CECR2: variants seen among roughly 807,000 people sequenced by gnomAD.
CECR2 encodes the protein chromatin remodeling regulator CECR2.
Under a neutral mutation model 154.5 loss-of-function variants are expected in CECR2, and 30 were observed. The ratio of observed to expected loss-of-function variants is 0.19; its 90% CI spans 0.15 to 0.26. The LOEUF (loss-of-function observed/expected upper bound fraction) is 0.26. Among genes scored for constraint, CECR2 ranks in the 10% least tolerant of loss-of-function variants. The pLI is 1.00. For missense variants in CECR2, 1,743 were observed against 1,829.3 expected (o/e 0.95, Z 0.86); for synonymous variants, 725 against 683.7 (o/e 1.06, Z -0.94).
Position 17,432,203 on chromosome 22 carries a change from T to C in CECR2, c.127-45385T>C, listed in dbSNP as rs148681789. ...GGATTTGCCCACTCTGGACATTTCCTGTAAGTGGAATCACACAGCCCTACT... is the reference window on the plus strand; with the variant it reads ...GGATTTGCCCACTCTGGACATTTCCCGTAAGTGGAATCACACAGCCCTACT... On this transcript the variant is annotated intron_variant, in intron 1 of 18. Coordinates refer to ENST00000262608, the MANE Select transcript of CECR2 (RefSeq NM_001290047.2). Among the ~76,000 whole-genome samples the C allele has an allele frequency of 1.1e-4, 16 of 152,316 alleles. No homozygotes were observed. The East Asian group carries it at 3.1e-3, about 29-fold the overall frequency.
At position 17,455,606 on chromosome 22, in the gene CECR2, C is replaced by A. The variant is rs147060889; in HGVS notation, c.127-21982C>A. On this transcript the variant is annotated intron_variant, in intron 1 of 18. Coordinates refer to ENST00000262608, the MANE Select transcript of CECR2 (RefSeq NM_001290047.2). ...CGCAACTTGGCAGCTTAAAACAGCACACTGTTTTTTGTTTTGTTTTGTTTG... is the reference window on the plus strand; with the variant it reads ...CGCAACTTGGCAGCTTAAAACAGCAAACTGTTTTTTGTTTTGTTTTGTTTG... Among the ~76,000 whole-genome samples, 300 of 152,244 alleles carry A rather than the reference C, an allele frequency of 2.0e-3. 2 individuals carry two copies. The highest frequency in any genetic ancestry group is 3.3e-3 in the Non-Finnish European group (222 of 68,016).
At chr22:17,512,042 A>T (rs1426799531) in intron 8 of CECR2, 146 bp downstream of exon 8, 1 of 637,976 alleles carries the variant, frequency 1.6e-6, no homozygotes, top group Non-Finnish European at 2.7e-6. Context: ...TGCTTAAGAT[A>T]CATTTCTAGA....
chr22:17,498,811 G>A (rs1601463165), intron 3 of CECR2, among the ~76,000 whole-genome samples: 1 of 152,206 alleles, frequency 6.6e-6, no homozygotes, highest in South Asian at 2.1e-4. Flanking sequence ...TCTGTAAACT[G>A]TTCATCAGGA....
chr22:17,469,265 C>T (rs181554845), intron 1 of CECR2, among the ~76,000 whole-genome samples: 1 of 152,044 alleles, frequency 6.6e-6, no homozygotes, highest in Admixed American at 6.5e-5. Flanking sequence ...CTGACCTCAC[C>T]TCCCTACACT....
At chr22:17,552,250 AC>A in intron 18 of CECR2, 108 bp downstream of exon 18, 1 of 993,624 alleles carries the variant, frequency 1.0e-6, no homozygotes, top group Non-Finnish European at 1.5e-6. Context: ...TCCTGTGGAT[AC>A]AGGAACTTTG....
upstream of CECR2, among the ~76,000 whole-genome samples, chr22:17,367,091 G>A (rs2063006055): frequency 6.6e-6 from 1 of 152,200 alleles, no homozygotes; most frequent in South Asian, 2.1e-4. Context: ...ACCAGGGGGC[G>A]CGTGCCGTTC....
chr22:17,550,284 A>T (rs1015416485), intron 17 of CECR2: 14 of 187,524 alleles, frequency 7.5e-5, no homozygotes, highest in African/African-American at 3.3e-4. Flanking sequence ...AGTAGCTGGG[A>T]TTACAGGTGC....
At chr22:17,470,483 C>T (rs1398794529) in intron 1 of CECR2, among the ~76,000 whole-genome samples, 1 of 151,904 alleles carries the variant, frequency 6.6e-6, no homozygotes, top group African/African-American at 2.4e-5. Context: ...GTAAGAGCAA[C>T]CAGACCTAGA....
chr22:17,428,797 T>TG (rs1323748686), intron 1 of CECR2, among the ~76,000 whole-genome samples: 572 of 142,302 alleles, frequency 4.0e-3, no homozygotes, highest in Non-Finnish European at 6.7e-3. Flanking sequence ...AATGTTTTTA[T>TG]TTGTGTGTGT....
At chr22:17,440,335 C>A (rs2054566258) in intron 1 of CECR2, among the ~76,000 whole-genome samples, 1 of 152,112 alleles carries the variant, frequency 6.6e-6, no homozygotes, top group Non-Finnish European at 1.5e-5. Context: ...TTCCTAGCTC[C>A]CACTCGATGT....
intron 1 of CECR2, among the ~76,000 whole-genome samples, chr22:17,436,911 AT>A (rs1212482294): frequency 6.6e-6 from 1 of 152,158 alleles, no homozygotes; most frequent in African/African-American, 2.4e-5. Context: ...GGGGAAAAGG[AT>A]TTTGTATTTC....
At chr22:17,360,267 T>C (rs544937434) in intron 1 of CECR2, among the ~76,000 whole-genome samples, 10 of 152,354 alleles carry the variant, frequency 6.6e-5, no homozygotes, top group African/African-American at 2.4e-4. Context: ...GGGATGCTGT[T>C]ACCGGAGGAT....
In CECR2 at chr22:17,542,603, C is replaced by A. The variant is rs2056545133; in HGVS notation, c.2460C>A (p.Pro820=). 2 of 1,613,910 alleles carry A rather than the reference C, an allele frequency of 1.2e-6. No homozygotes were observed. Among genetic ancestry groups the A allele is most frequent in the Non-Finnish European group, 1.7e-6 (2 of 1,179,900 alleles). ...DSRVMRPPVP[P]NQWTEQSGFL... ...GAGTCATGAGACCACCTGTCCCCCC[C>A]AACCAGTGGACTGAACAATCAGGCT... is the stretch of plus-strand genomic sequence containing the variant. Residue 820 remains proline (P), a synonymous_variant, in exon 16 of 19, where the codon CCC becomes CCA. Coordinates refer to ENST00000262608, the MANE Select transcript of CECR2 (RefSeq NM_001290047.2).
intron 2 of CECR2, among the ~76,000 whole-genome samples, chr22:17,482,163 G>A (rs968340315): frequency 1.2e-4 from 16 of 138,100 alleles, no homozygotes; most frequent in East Asian, 7.0e-4. Context: ...GGTGACTCAC[G>A]CCTGCAATCC....
At chr22:17,543,760 G>A (rs944793331) in intron 16 of CECR2, among the ~76,000 whole-genome samples, 5 of 152,108 alleles carry the variant, frequency 3.3e-5, no homozygotes, top group East Asian at 1.9e-4. Context: ...AGGTTTCACC[G>A]TGTTGGCCAG....
chr22:17,381,937 G>A (rs895654943), intron 1 of CECR2, among the ~76,000 whole-genome samples: 1 of 151,622 alleles, frequency 6.6e-6, no homozygotes, highest in African/African-American at 2.4e-5. Flanking sequence ...ACCCAGGCTG[G>A]AGTGCAGTGG....
intron 1 of CECR2, among the ~76,000 whole-genome samples, chr22:17,375,172 G>A (rs1444852068): frequency 6.6e-6 from 1 of 152,164 alleles, no homozygotes; most frequent in African/African-American, 2.4e-5. Context: ...AGAGTGCAGT[G>A]GTGTGATCTC....
chr22:17,539,869 T>C (rs979190323), intron 13 of CECR2, among the ~76,000 whole-genome samples: 4 of 152,188 alleles, frequency 2.6e-5, no homozygotes, highest in African/African-American at 7.2e-5. Flanking sequence ...GATTTCACTC[T>C]GTCACCCAAG....
intron 1 of CECR2, chr22:17,428,250 G>C (rs191214006): frequency 6.6e-6 from 1 of 152,142 alleles, no homozygotes; most frequent in East Asian, 1.9e-4. Context: ...TTGCAAAAGT[G>C]GGGGAACACA....
Sources: allele counts gnomAD v4.1 joint callset (sites outside exome capture counted in the v4.1 genomes callset), GRCh38; gene constraint gnomAD v4.1.1; transcripts MANE v1.5; gene names NCBI Gene and HGNC (gene_info 2026-07-23, HGNC 2026-07-21).